The following MON1A variants were observed in gnomAD, a reference collection of about 807,000 sequenced individuals.
MON1A encodes the protein MON1 vesicular trafficking associated A.
In MON1A, 29 loss-of-function variants were observed where a neutral mutation model predicts 44.6. The ratio of observed to expected loss-of-function variants is 0.65; its 90% CI spans 0.48 to 0.89. MON1A has a LOEUF of 0.89. Ranked by LOEUF, MON1A falls within the 40% of genes least tolerant of loss-of-function variation. MON1A has a pLI of 0.00. For synonymous variants in MON1A, 275 were observed against 316.4 expected (o/e 0.87, Z 1.39); for missense variants, 615 against 759.6 (o/e 0.81, Z 2.24).
intron 1 of MON1A, chr3:49,917,019 T>C (rs2082950679): frequency 6.6e-6 from 1 of 152,264 alleles, no homozygotes; most frequent in Non-Finnish European, 1.5e-5. Context: ...CTCCTGACAG[T>C]ACCAGGGTTG....
chr3:49,909,465 T>G lies in MON1A; in HGVS notation c.1380-65A>C. 6.3e-7 allele frequency: 1 copy of G among 1,590,140 alleles called. No individual in the cohort carries two copies. ...ACTTCCACTGTCTTCTCTAGAGATT[T>G]AGAAACACCTATTCCTATCCAGGAA... On this transcript the variant is annotated intron_variant, in intron 4 of 5. Coordinates refer to ENST00000296473, the MANE Select transcript of MON1A (RefSeq NM_032355.4). This position sits in a 1 kb window ranked among gnomAD's most constrained non-coding sequence, Gnocchi z 4.0.
In MON1A at chr3:49,929,768, C is replaced by T; in HGVS notation, c.-173G>A. 1 of 1,549,154 alleles carries T rather than the reference C, an allele frequency of 6.5e-7. No individual in the cohort carries two copies. The highest frequency in any genetic ancestry group is 8.7e-7 in the Non-Finnish European group (1 of 1,146,688). On this transcript the variant is annotated 5_prime_UTR_variant, in exon 1 of 6. Transcript: ENST00000296473. ...ACAGACATGGCCACAGCGCAGGCAC[C>T]GCTCCCTCCCACCGCCCTCACCCGG...
Position 49,911,537 on chromosome 3 carries a change from G to C in MON1A, c.602C>G (p.Ser201Cys). The C allele has an allele frequency of 6.2e-7, 1 of 1,610,278 alleles. No homozygotes were observed. Among genetic ancestry groups the C allele is most frequent in the Non-Finnish European group, 8.5e-7 (1 of 1,177,594 alleles). Residue 201 changes from serine (S) to cysteine (C), a missense_variant, in exon 3 of 6, where the codon TCC (serine) becomes TGC (cysteine). Transcript: ENST00000296473. The surrounding 1 kb of genome is among the most constrained non-coding windows in gnomAD (Gnocchi z 5.7). ...TCCAGGTGGCTCACCTGCATGGATG[G>C]AGCGGATGGCGTTCTTGTCTGCCTC... Reference protein sequence around the residue: ...FLEADKNAIRSIHADGYKVVF... With the variant: ...FLEADKNAIRCIHADGYKVVF...
At chr3:49,922,625 GGAAAGGAA>G (rs764347107) in intron 1 of MON1A, among the ~76,000 whole-genome samples, 32 of 147,914 alleles carry the variant, frequency 2.2e-4, no homozygotes, top group Non-Finnish European at 4.0e-4. Context: ...GGGAAAGGAA[GGAAAGGAA>G]GAAAGGAAGG....
intron 1 of MON1A, among the ~76,000 whole-genome samples, chr3:49,914,044 C>T (rs1320679295): frequency 6.6e-6 from 1 of 151,878 alleles, no homozygotes; most frequent in Non-Finnish European, 1.5e-5. Context: ...TCTCAGCCTT[C>T]CCAGTAGCAC....
At chr3:49,913,487 T>C in intron 1 of MON1A, 128 bp from the exon 2 acceptor site, 1 of 821,730 alleles carries the variant, frequency 1.2e-6, no homozygotes, top group Non-Finnish European at 1.8e-6. Flanking sequence ...GAAAATGGAT[T>C]CTGAGAATTC....
chr3:49,927,532 C>T (rs1443767606), intron 1 of MON1A, among the ~76,000 whole-genome samples: 6 of 152,252 alleles, frequency 3.9e-5, no homozygotes, highest in Admixed American at 6.5e-5. Flanking sequence ...TGGGCAAATA[C>T]GCTTCTGACC....
chr3:49,929,315 A>G, intron 1 of MON1A: 1 of 493,098 alleles, frequency 2.0e-6, no homozygotes, highest in South Asian at 2.3e-5. Flanking sequence ...CTACCGGCCG[A>G]ATATGTGTAC....
rs145310828 is a variant in MON1A at position 49,911,248 on chromosome 3, TTTGTTG to T, written c.613+272_613+277del. Reference sequence around the variant, plus strand: ...TAGATAGATAGATAGATAGATAGAGTTTGTTGTTGTTGTTGTTGTTGCCTCCCCAGG... The same window carrying T: ...TAGATAGATAGATAGATAGATAGAGTTTGTTGTTGTTGTTGCCTCCCCAGG... On this transcript the variant is annotated intron_variant, in intron 3 of 5. Transcript: ENST00000296473. The surrounding 1 kb of genome is among the most constrained non-coding windows in gnomAD (Gnocchi z 5.7). 5.8e-5 allele frequency among the ~76,000 whole-genome samples: 3 copies of T among 52,070 alleles called. No individual in the cohort carries two copies. Among genetic ancestry groups the T allele is most frequent in the Non-Finnish European group, 9.4e-5 (2 of 21,166 alleles). 34.2% of individuals were successfully genotyped at this position (52,070 alleles called of 152,430 possible).
chr3:49,925,688 G>A (rs781557070), intron 1 of MON1A, among the ~76,000 whole-genome samples: 1 of 152,058 alleles, frequency 6.6e-6, no homozygotes, highest in Admixed American at 6.6e-5. Context: ...GCAGTGAGCC[G>A]TGATTGTGCC....
intron 1 of MON1A, among the ~76,000 whole-genome samples, chr3:49,913,623 C>A (rs2082912531): frequency 8.5e-6 from 1 of 117,380 alleles, no homozygotes; most frequent in Admixed American, 8.5e-5. Context: ...CATTCAGGAT[C>A]TTTCACTGTT....
intron 1 of MON1A, chr3:49,924,536 A>G (rs2083032809): frequency 3.4e-6 from 1 of 297,380 alleles, no homozygotes; most frequent in African/African-American, 2.3e-5. Context: ...AAAATTACCT[A>G]GGTGTCATGA....
chr3:49,915,359 C>A (rs1354294985), intron 1 of MON1A, among the ~76,000 whole-genome samples: 2 of 152,086 alleles, frequency 1.3e-5, no homozygotes, highest in African/African-American at 4.8e-5. Flanking sequence ...GAGACCCTGT[C>A]TCTACAAAAA....
chr3:49,924,531 T>G, intron 1 of MON1A: 1 of 293,394 alleles, frequency 3.4e-6, no homozygotes, highest in Non-Finnish European at 7.2e-6. Flanking sequence ...ATACAAAAAT[T>G]ACCTAGGTGT....
chr3:49,920,762 T>A (rs1177678570), intron 1 of MON1A: 1 of 151,420 alleles, frequency 6.6e-6, no homozygotes, highest in African/African-American at 2.4e-5. Context: ...TGTTTGAATG[T>A]GGGAGGCGGA....
intron 1 of MON1A, among the ~76,000 whole-genome samples, chr3:49,925,316 T>C (rs1430133326): frequency 2.6e-5 from 4 of 152,102 alleles, no homozygotes; most frequent in Admixed American, 1.3e-4. Context: ...GGTCTCCTTA[T>C]GTTGCCCAAG....
At chr3:49,913,615 T>C (rs1021050590) in intron 1 of MON1A, among the ~76,000 whole-genome samples, 8 of 132,080 alleles carry the variant, frequency 6.1e-5, no homozygotes, top group Non-Finnish European at 1.0e-4. Flanking sequence ...TTTCCTACCA[T>C]TCAGGATCTT....
chr3:49,913,492 G>T (rs907282006), intron 1 of MON1A, 133 bp from the exon 2 acceptor site: 3 of 804,940 alleles, frequency 3.7e-6, no homozygotes, highest in South Asian at 2.1e-5. Context: ...TGGATTCTGA[G>T]AATTCCTTTC....
At position 49,910,853 on chromosome 3, in the gene MON1A, G is replaced by A; in HGVS notation, c.645C>T (p.Ser215=). The A allele has an allele frequency of 6.2e-7, 1 of 1,611,814 alleles. No homozygotes were observed. Among genetic ancestry groups the A allele is most frequent in the Non-Finnish European group, 8.5e-7 (1 of 1,178,326 alleles). The change falls in exon 4 of 6, where the codon AGC becomes AGT. Residue 215 remains serine, a synonymous_variant. Coordinates refer to ENST00000296473, the MANE Select transcript of MON1A (RefSeq NM_032355.4). This position sits in a 1 kb window ranked among gnomAD's most constrained non-coding sequence, Gnocchi z 8.0. Reference sequence around the variant, plus strand: ...GAGCCACCGCCACTAGCACCAGCGGGCTCCGGCGCACGAATACTACCTTGT... The same window carrying A: ...GAGCCACCGCCACTAGCACCAGCGGACTCCGGCGCACGAATACTACCTTGT... ...DGYKVVFVRR[S]PLVLVAVART...
Sources: gnomAD v4.1 joint callset for allele counts (sites outside exome capture counted in the v4.1 genomes callset) on GRCh38, gnomAD v4.1.1 for gene constraint, Gnocchi (gnomAD v3.1) non-coding constraint, MANE v1.5 for transcripts, NCBI Gene and HGNC (gene_info 2026-07-23, HGNC 2026-07-21) for gene names.